Variants in GYPE observed in about 807,000 individuals in gnomAD.
The protein encoded by GYPE is glycophorin E (MNS blood group), also known as glycophorin-E.
GYPE carries 8 observed loss-of-function variants against 11.6 expected under a neutral mutation model. That is an observed-to-expected ratio of 0.69 (90% CI 0.41 to 1.25). The LOEUF (loss-of-function observed/expected upper bound fraction) is 1.25. GYPE is among the 50% of genes most tolerant of loss of function. GYPE has a pLI of 0.01. For synonymous variants in GYPE, 28 were observed against 29.6 expected, an observed-to-expected ratio of 0.94 and a Z score of 0.18; for missense variants, 90 against 92.8, an observed-to-expected ratio of 0.97 and a Z score of 0.12.
chr4:143,895,220 C>T (rs1447399006), intron 1 of GYPE, among the ~76,000 whole-genome samples: 2 of 152,158 alleles, frequency 1.3e-5, no homozygotes, highest in Non-Finnish European at 2.9e-5. Flanking sequence ...CAAATTGTCC[C>T]TGTTCACAGA....
chr4:143,881,719 T>C (rs1209036693), intron 1 of GYPE, among the ~76,000 whole-genome samples: 1 of 152,204 alleles, frequency 6.6e-6, no homozygotes, highest in East Asian at 1.9e-4. Flanking sequence ...TGTGCATTCA[T>C]GTGTTTTTCA....
chr4:143,894,157 C>G (rs1355173206), intron 1 of GYPE, among the ~76,000 whole-genome samples: 4 of 151,864 alleles, frequency 2.6e-5, no homozygotes, highest in African/African-American at 9.7e-5. Flanking sequence ...GCTTTCAACT[C>G]CATCAGCTCC....
At chr4:143,905,435 A>T (rs753332011) in intron 1 of GYPE, 36 bp downstream of exon 1, 1 of 1,612,620 alleles carries the variant, frequency 6.2e-7, no homozygotes. Flanking sequence ...TCTCATACCC[A>T]ATATAACAGA....
intron 1 of GYPE, among the ~76,000 whole-genome samples, chr4:143,893,691 C>G (rs200378864): frequency 5.9e-5 from 9 of 152,168 alleles, no homozygotes; most frequent in African/African-American, 1.7e-4. Context: ...CTCTTAGTCT[C>G]ATGGGCTTCC....
chr4:143,904,162 A>C (rs527279818), intron 1 of GYPE, among the ~76,000 whole-genome samples: 2 of 152,084 alleles, frequency 1.3e-5, no homozygotes, highest in African/African-American at 4.8e-5. Context: ...ACTTTTCAGA[A>C]ATCACCAATC....
intron 2 of GYPE, 128 bp from the exon 3 acceptor site, chr4:143,876,983 A>C: frequency 1.5e-6 from 1 of 669,832 alleles, no homozygotes. Flanking sequence ...TTAATATACT[A>C]TCATGTGTAT....
chr4:143,879,253 T>C (rs1350730175), intron 2 of GYPE, among the ~76,000 whole-genome samples: 2 of 152,204 alleles, frequency 1.3e-5, no homozygotes, highest in South Asian at 4.1e-4. Context: ...GTCCACATCT[T>C]ACTTATGTCT....
chr4:143,879,102 G>T (rs1455103051), intron 2 of GYPE, among the ~76,000 whole-genome samples: 1 of 152,170 alleles, frequency 6.6e-6, no homozygotes, highest in Middle Eastern at 3.2e-3. Context: ...TTTTCCAGAT[G>T]TATGCCACAG....
At position 143,894,811 on chromosome 4, in the gene GYPE, C is replaced by G. The variant is rs1350156668; in HGVS notation, c.37+10660G>C. 2.0e-5 allele frequency among the ~76,000 whole-genome samples: 3 copies of G among 152,026 alleles called. No homozygotes were observed. In the East Asian group the frequency reaches 5.8e-4, roughly 29 times the overall value. ...CATCAAAAAGCTTATCCACCATGAT[C>G]AAGTGGGCTTCATCCCTGGGATGCA... is the stretch of plus-strand genomic sequence containing the variant. On this transcript the variant is annotated intron_variant, in intron 1 of 3. Transcript: ENST00000358615.
chr4:143,893,599 G>T lies in GYPE; in HGVS notation c.37+11872C>A, dbSNP rs1744498416. 2.0e-5 allele frequency among the ~76,000 whole-genome samples: 3 copies of T among 152,100 alleles called. No homozygotes were observed. In the South Asian group the frequency reaches 6.2e-4, roughly 32 times the overall value. ...TAGTTTGGCTGTATATGAAATTCTGGATTGAAAATTCTTTTCTTTAAGAAT... is the reference window on the plus strand; with the variant it reads ...TAGTTTGGCTGTATATGAAATTCTGTATTGAAAATTCTTTTCTTTAAGAAT... On this transcript the variant is annotated intron_variant, in intron 1 of 3. Transcript: ENST00000358615.
chr4:143,877,307 CAG>C (rs1385229508), intron 2 of GYPE, among the ~76,000 whole-genome samples: 1 of 152,092 alleles, frequency 6.6e-6, no homozygotes, highest in Non-Finnish European at 1.5e-5. Flanking sequence ...CTGGTATAAA[CAG>C]TTTACAAATG....
chr4:143,874,926 C>G (rs531577468), intron 3 of GYPE, among the ~76,000 whole-genome samples: 10 of 152,158 alleles, frequency 6.6e-5, no homozygotes, highest in African/African-American at 2.4e-4. Flanking sequence ...GGCAGGTGAA[C>G]TATAATTAAG....
At chr4:143,883,401 A>G (rs903793803) in intron 1 of GYPE, among the ~76,000 whole-genome samples, 6 of 151,550 alleles carry the variant, frequency 4.0e-5, no homozygotes, top group African/African-American at 9.7e-5. Flanking sequence ...TTATTTCTAT[A>G]TAGCAGTGTG....
chr4:143,872,878 A>C (rs1240854665), intron 3 of GYPE, among the ~76,000 whole-genome samples: 7 of 61,906 alleles, frequency 1.1e-4, no homozygotes, highest in Non-Finnish European at 1.7e-4. Context: ...AGAGTGGGAG[A>C]GGGTTGAAGG....
intron 2 of GYPE, among the ~76,000 whole-genome samples, chr4:143,877,596 A>T (rs1206274950): frequency 6.6e-6 from 1 of 152,214 alleles, no homozygotes; most frequent in East Asian, 1.9e-4. Context: ...ACATAAAGGT[A>T]AAATGGCTCA....
chr4:143,890,319 G>A (rs1282764564), intron 1 of GYPE, among the ~76,000 whole-genome samples: 1 of 152,142 alleles, frequency 6.6e-6, no homozygotes, highest in Non-Finnish European at 1.5e-5. Flanking sequence ...AACAAAAGAG[G>A]ATTTCACATA....
intron 1 of GYPE, among the ~76,000 whole-genome samples, chr4:143,895,914 C>T (rs1744610347): frequency 6.6e-6 from 1 of 151,926 alleles, no homozygotes; most frequent in Non-Finnish European, 1.5e-5. Flanking sequence ...GGAAAGGATT[C>T]CCTATTTAAT....
intron 1 of GYPE, among the ~76,000 whole-genome samples, chr4:143,883,239 C>G (rs762972073): frequency 2.0e-5 from 3 of 152,098 alleles, no homozygotes; most frequent in African/African-American, 4.8e-5. Flanking sequence ...TGCTCTTGTT[C>G]CAGGCATGTA....
intron 1 of GYPE, among the ~76,000 whole-genome samples, chr4:143,899,932 A>G (rs9999024): frequency 0.38 from 3,852 of 10,206 alleles, 1,357 homozygotes; most frequent in East Asian, 1. Context: ...AGCGTAAGCA[A>G]CAAAAGAAAA....
Sources: allele counts gnomAD v4.1 joint callset (sites outside exome capture counted in the v4.1 genomes callset), GRCh38; gene constraint gnomAD v4.1.1; transcripts MANE v1.5; gene names NCBI Gene and HGNC (gene_info 2026-07-23, HGNC 2026-07-21).